The following WDR47 variants were observed in gnomAD, a reference collection of about 807,000 sequenced individuals.
The protein encoded by WDR47 is WD repeat-containing protein 47.
WDR47 carries 32 observed loss-of-function variants against 97.2 expected under a neutral mutation model. The ratio of observed to expected loss-of-function variants is 0.33; its 90% CI spans 0.25 to 0.44. The LOEUF (loss-of-function observed/expected upper bound fraction) is 0.44, where lower values mean the gene tolerates loss of function less well. WDR47 is among the 20% of genes least tolerant of loss of function. The probability of loss-of-function intolerance (pLI) is 1.00; values close to 1 mark genes in which losing one functional copy is unlikely to be tolerated. For missense variants in WDR47, 782 were observed against 1,102.3 expected, an observed-to-expected ratio of 0.71 and a Z score of 4.11; for synonymous variants, 375 against 373.5, an observed-to-expected ratio of 1.00 and a Z score of -0.05.
intron 6 of WDR47, 89 bp downstream of exon 6, chr1:109,004,503 T>C (rs1254563681): frequency 1.1e-5 from 15 of 1,418,596 alleles, no homozygotes; most frequent in Non-Finnish European, 8.4e-6. Flanking sequence ...CTCCCAAATA[T>C]CAGAAAATTC....
At chr1:109,007,466 T>C (rs1261607653) in intron 5 of WDR47, among the ~76,000 whole-genome samples, 1 of 152,128 alleles carries the variant, frequency 6.6e-6, no homozygotes, top group Non-Finnish European at 1.5e-5. Context: ...AGTCCCAATA[T>C]TTTTAAAATT....
At chr1:109,023,093 C>T (rs532944131) in intron 2 of WDR47, among the ~76,000 whole-genome samples, 2 of 151,712 alleles carry the variant, frequency 1.3e-5, no homozygotes, top group South Asian at 4.2e-4. Flanking sequence ...GTCCCAGCTA[C>T]GCAGGAGGCT....
chr1:109,035,237 C>A (rs1242026947), intron 1 of WDR47, among the ~76,000 whole-genome samples: 1 of 145,992 alleles, frequency 6.8e-6, no homozygotes, highest in Non-Finnish European at 1.5e-5. Context: ...AAGAGTAAGA[C>A]CCTGTCTCAG....
intron 7 of WDR47, among the ~76,000 whole-genome samples, chr1:109,000,814 T>A (rs1020251835): frequency 1.3e-5 from 2 of 152,212 alleles, no homozygotes; most frequent in Non-Finnish European, 2.9e-5. Flanking sequence ...TCCAATATTG[T>A]TGAATCAAGT....
intron 1 of WDR47, among the ~76,000 whole-genome samples, chr1:109,026,733 T>C (rs893567776): frequency 6.6e-6 from 1 of 152,164 alleles, no homozygotes; most frequent in African/African-American, 2.4e-5. Flanking sequence ...ATACTAAACA[T>C]TGTATAGGCT....
At chr1:108,991,382 T>C in intron 8 of WDR47, 53 bp from the exon 9 acceptor site, 3 of 1,499,366 alleles carry the variant, frequency 2.0e-6, no homozygotes, top group Non-Finnish European at 1.8e-6. Context: ...AAATAGAAAC[T>C]AAATTAATTT....
intron 1 of WDR47, among the ~76,000 whole-genome samples, chr1:109,040,289 T>C (rs946640011): frequency 6.6e-6 from 1 of 152,188 alleles, no homozygotes; most frequent in Non-Finnish European, 1.5e-5. Context: ...AAAGCGTTTC[T>C]GAAACTGCAG....
intron 9 of WDR47, chr1:108,987,003 C>A (rs868112094): frequency 9.1e-6 from 2 of 219,240 alleles, no homozygotes; most frequent in East Asian, 2.4e-4. Flanking sequence ...TAATATTAAA[C>A]CCCTACAGCT....
chr1:108,974,753 G>T lies in WDR47; in HGVS notation c.2400C>A (p.Gly800=). 1 of 1,604,214 alleles carries T rather than the reference G, an allele frequency of 6.2e-7. No individual in the cohort carries two copies. The highest frequency in any genetic ancestry group is 8.5e-7 in the Non-Finnish European group (1 of 1,174,346). ...RVVGTTFHGT[G]SAVASVAVDP... Reference sequence around the variant, plus strand: ...CTACAGCTACAGATGCCACTGCACTGCCTGTAGTGGTAGGAATGAAAGTTT... The same window carrying T: ...CTACAGCTACAGATGCCACTGCACTTCCTGTAGTGGTAGGAATGAAAGTTT... Residue 800 remains glycine (G), a splice_region_variant and synonymous_variant, in exon 14 of 15, where the codon GGC becomes GGA. Coordinates refer to ENST00000369962, the MANE Select transcript of WDR47 (RefSeq NM_001142551.2).
chr1:108,984,889 A>G (rs1658658353), intron 10 of WDR47, among the ~76,000 whole-genome samples: 1 of 152,086 alleles, frequency 6.6e-6, no homozygotes, highest in Non-Finnish European at 1.5e-5. Context: ...AACAAAAACA[A>G]AAAAAACCCA....
chr1:108,983,279 T>TACCACC lies in WDR47; in HGVS notation c.2095+2_2095+3insGGTGGT. ...AGCTACTGCTTACATACTTGGGCCC[T>TACCACC]ACCTGTTGCGTTACAAGTCTCTGCA... On this transcript the variant is annotated splice_region_variant and intron_variant, in intron 11 of 14. Transcript: ENST00000369962. 6.4e-7 allele frequency: 1 copy of TACCACC among 1,565,556 alleles called. No homozygotes were observed. Among genetic ancestry groups the TACCACC allele is most frequent in the Non-Finnish European group, 8.8e-7 (1 of 1,142,394 alleles).
chr1:108,993,880 C>G (rs1659553739), intron 8 of WDR47, among the ~76,000 whole-genome samples: 1 of 152,102 alleles, frequency 6.6e-6, no homozygotes, highest in African/African-American at 2.4e-5. Flanking sequence ...CAATTACTGT[C>G]TCCAGGAAAA....
chr1:109,011,750 A>C, intron 4 of WDR47, 32 bp from the exon 5 acceptor site: 1 of 1,529,482 alleles, frequency 6.5e-7, no homozygotes, highest in Non-Finnish European at 8.8e-7. Flanking sequence ...TCAAATAATC[A>C]CTATAAAAAA....
At chr1:109,028,092 G>A (rs1662336835) in intron 1 of WDR47, among the ~76,000 whole-genome samples, 1 of 152,184 alleles carries the variant, frequency 6.6e-6, no homozygotes, top group Non-Finnish European at 1.5e-5. Flanking sequence ...ATCATAATAT[G>A]TGTTCAATAA....
intron 14 of WDR47, among the ~76,000 whole-genome samples, chr1:108,972,163 A>C (rs1657499593): frequency 6.6e-6 from 1 of 151,916 alleles, no homozygotes. Flanking sequence ...CCCTTATCTC[A>C]ATGGCACCAT....
At chr1:108,974,004 C>T (rs759485210) in intron 14 of WDR47, among the ~76,000 whole-genome samples, 8 of 151,412 alleles carry the variant, frequency 5.3e-5, no homozygotes, top group South Asian at 2.1e-4. Flanking sequence ...GACCAGCCTG[C>T]GCAACATGGC....
intron 1 of WDR47, among the ~76,000 whole-genome samples, chr1:109,040,678 A>G (rs1269364571): frequency 2.0e-5 from 3 of 152,158 alleles, no homozygotes; most frequent in Non-Finnish European, 4.4e-5. Context: ...TCCCAAACCT[A>G]AAGTAGAATT....
chr1:108,997,152 G>C (rs947984584), intron 7 of WDR47, among the ~76,000 whole-genome samples: 5 of 151,640 alleles, frequency 3.3e-5, no homozygotes, highest in Non-Finnish European at 7.4e-5. Context: ...ATGGCCAGGA[G>C]CGATGGCTCA....
rs763515127 is a variant in WDR47 at position 108,995,662 on chromosome 1, T to C, written c.1609A>G (p.Asn537Asp). Residue 537 changes from asparagine (N) to aspartate (D), a missense_variant, in exon 8 of 15, where the codon AAT becomes GAT. This residue lies in a region of WDR47 where 126 missense variants were observed against 121.3 expected (regional missense o/e 1.04). Transcript: ENST00000369962. ...SSQRLTHDAS[N>D]IHTSTPRNPG... ...TTACGAGGAGTGCTTGTATGAATAT[T>C]TGAAGCATCATGTGTTAATCTCTGA... 5 of 1,614,124 alleles carry C rather than the reference T, an allele frequency of 3.1e-6. No homozygotes were observed. The highest frequency in any genetic ancestry group is 4.5e-5 in the East Asian group (2 of 44,862).
Sources: gnomAD v4.1 joint callset for allele counts (sites outside exome capture counted in the v4.1 genomes callset) on GRCh38, gnomAD v4.1.1 for gene constraint, gnomAD v4.1.1 regional missense constraint, MANE v1.5 for transcripts, NCBI Gene and HGNC (gene_info 2026-07-23, HGNC 2026-07-21) for gene names.